Variants in CEP135 observed in about 807,000 individuals in gnomAD.
CEP135 encodes the protein centrosomal protein of 135 kDa.
A neutral mutation model predicts 157.3 loss-of-function variants in CEP135; 142 were observed. That is an observed-to-expected ratio of 0.90 (90% CI 0.79 to 1.04). The LOEUF is 1.04. CEP135 is among the 50% of genes least tolerant of loss of function. The pLI, the probability that CEP135 is intolerant of heterozygous loss-of-function variation, is 0.00. For synonymous variants in CEP135, 396 were observed against 439.8 expected (o/e 0.90, Z 1.25); for missense variants, 1,317 against 1,309.2 (o/e 1.01, Z -0.09).
chr4:56,019,095 G>C (rs1345965647), intron 22 of CEP135, among the ~76,000 whole-genome samples: 1 of 151,984 alleles, frequency 6.6e-6, no homozygotes, highest in East Asian at 1.9e-4. Context: ...CTCTTGATAA[G>C]GTACCATGAC....
At chr4:55,999,468 C>T (rs1386643491) in intron 16 of CEP135, 23 bp from the exon 17 acceptor site, 1 of 1,612,094 alleles carries the variant, frequency 6.2e-7, no homozygotes, top group Non-Finnish European at 8.5e-7. Flanking sequence ...CTTTGTCTAA[C>T]AAACATTTCT....
At chr4:56,009,033 A>G (rs1730464725) in intron 18 of CEP135, among the ~76,000 whole-genome samples, 1 of 152,194 alleles carries the variant, frequency 6.6e-6, no homozygotes, top group Non-Finnish European at 1.5e-5. Flanking sequence ...TGAGTAGCTG[A>G]GACTGCAGGC....
At chr4:55,963,277 A>T (rs1057491739) in intron 6 of CEP135, among the ~76,000 whole-genome samples, 1 of 151,970 alleles carries the variant, frequency 6.6e-6, no homozygotes, top group African/African-American at 2.4e-5. Flanking sequence ...TGTCAATTTC[A>T]TCCTTTAGTC....
At chr4:55,984,370 G>A (rs534630531) in intron 13 of CEP135, among the ~76,000 whole-genome samples, 5 of 152,272 alleles carry the variant, frequency 3.3e-5, no homozygotes, top group African/African-American at 1.2e-4. Flanking sequence ...CTTTTGATGG[G>A]AAATGAACCC....
intron 8 of CEP135, 38 bp from the exon 9 acceptor site, chr4:55,969,025 A>G (rs184137913): frequency 6.7e-6 from 10 of 1,484,730 alleles, no homozygotes; most frequent in Admixed American, 2.1e-5. Context: ...GTATTCTTAG[A>G]CTTTTAAGTA....
rs201141001 is a variant in CEP135, at chr4:55,985,272, C to T, written c.1780-9C>T. ...ACAAATGAACATTTTCTTTAACATT[C>T]TTTTTCAGCATATTGAAGAAGTGAG... On this transcript the variant is annotated splice_polypyrimidine_tract_variant and intron_variant, in intron 13 of 25. Coordinates refer to ENST00000257287, the MANE Select transcript of CEP135 (RefSeq NM_025009.5). 2 of 1,495,390 alleles carry T rather than the reference C, an allele frequency of 1.3e-6. No individual in the cohort carries two copies. The highest frequency in any genetic ancestry group is 1.9e-6 in the Non-Finnish European group (2 of 1,078,374). The allele number at this position is 1,495,390 out of a possible 1,614,324, so 92.6% of individuals were successfully genotyped here. A position where few individuals can be genotyped will look rare whatever the true frequency, so the allele number is the denominator to read the frequency against.
intron 15 of CEP135, among the ~76,000 whole-genome samples, chr4:55,994,664 G>A (rs954243189): frequency 6.6e-6 from 1 of 151,128 alleles, no homozygotes; most frequent in Non-Finnish European, 1.5e-5. Flanking sequence ...CAACAAACAG[G>A]CTTTTCTATA....
Position 56,015,766 on chromosome 4 carries a change from A to G in CEP135, c.2803-1882A>G, listed in dbSNP as rs558906508. ...GGAGAATTTTGTCCCAGTGTGGTCC[A>G]TATTCAGAGTCTCACCCATATGTGA... On this transcript the variant is annotated intron_variant, in intron 21 of 25. Coordinates refer to ENST00000257287, the MANE Select transcript of CEP135 (RefSeq NM_025009.5). Among the ~76,000 whole-genome samples, 23 of 152,322 alleles carry G rather than the reference A, an allele frequency of 1.5e-4. No individual in the cohort carries two copies. The East Asian group carries it at 2.5e-3, about 17-fold the overall frequency.
chr4:55,982,563 A>G (rs1447120194), intron 13 of CEP135, among the ~76,000 whole-genome samples: 1 of 152,022 alleles, frequency 6.6e-6, no homozygotes, highest in Non-Finnish European at 1.5e-5. Context: ...GGCCATTTTT[A>G]TATCCTTTTT....
At chr4:56,016,094 G>C (rs754669253) in intron 21 of CEP135, among the ~76,000 whole-genome samples, 1 of 152,160 alleles carries the variant, frequency 6.6e-6, no homozygotes, top group Admixed American at 6.5e-5. Context: ...GATACAGTAC[G>C]TACAGAGAAG....
intron 8 of CEP135, 133 bp downstream of exon 8, chr4:55,965,992 G>C: frequency 4.3e-6 from 3 of 696,290 alleles, no homozygotes; most frequent in Non-Finnish European, 7.1e-6. Context: ...TTTTGCTTTG[G>C]TAATTCAGGG....
chr4:55,981,155 A>G (rs1180149880), intron 12 of CEP135, 72 bp from the exon 13 acceptor site: 5 of 1,419,724 alleles, frequency 3.5e-6, no homozygotes, highest in Non-Finnish European at 4.7e-6. Flanking sequence ...AACTGGAAAC[A>G]TATCCAAAGT....
In CEP135 at chr4:55,956,020, T is replaced by C. The variant is rs183759893; in HGVS notation, c.473-1203T>C. 4.1e-4 allele frequency among the ~76,000 whole-genome samples: 62 copies of C among 152,158 alleles called. 2 individuals carry two copies. Among genetic ancestry groups the C allele is most frequent in the Admixed American group, 2.2e-3 (34 of 15,284 alleles). The stretch of plus-strand genomic sequence containing the variant: ...ACCCAGAGTCAGATGTGAGGGAAAT[T>C]GGTATTTAAGGGACAGGTGGAAGAA... On this transcript the variant is annotated intron_variant, in intron 4 of 25. Coordinates refer to ENST00000257287, the MANE Select transcript of CEP135 (RefSeq NM_025009.5).
At position 55,950,533 on chromosome 4, in the gene CEP135, C is replaced by G. The variant is rs138584162; in HGVS notation, c.-46+1474C>G. 5.1e-3 allele frequency among the ~76,000 whole-genome samples: 779 copies of G among 151,990 alleles called. 9 individuals carry two copies. Among genetic ancestry groups the G allele is most frequent in the African/African-American group, 0.018 (735 of 41,444 alleles). On this transcript the variant is annotated intron_variant, in intron 1 of 25. Coordinates refer to ENST00000257287, the MANE Select transcript of CEP135 (RefSeq NM_025009.5). ...AGCATATTGGCTCACACCTGTAAAC[C>G]TAGCACTTTGGGAGGTAGAGGTGGG...
At chr4:55,957,402 A>G (rs2109645054) in intron 5 of CEP135, 38 bp downstream of exon 5, 2 of 1,590,744 alleles carry the variant, frequency 1.3e-6, no homozygotes, top group East Asian at 2.2e-5. Flanking sequence ...GAGTTAATTG[A>G]GCACTCAATT....
In CEP135 at chr4:55,967,601, T is replaced by G. The variant is rs527433006; in HGVS notation, c.1045-1462T>G. ...AGCACTGAATATGCAGATTAAGGAT[T>G]CAGATGCTGATTCCTTAGAACTATG... On this transcript the variant is annotated intron_variant, in intron 8 of 25. Coordinates refer to ENST00000257287, the MANE Select transcript of CEP135 (RefSeq NM_025009.5). 2.0e-3 allele frequency among the ~76,000 whole-genome samples: 304 copies of G among 152,312 alleles called. 1 individual carries two copies. Among genetic ancestry groups the G allele is most frequent in the African/African-American group, 7.1e-3 (295 of 41,570 alleles).
chr4:55,999,487 G>A lies in CEP135; in HGVS notation c.2126-4G>A, dbSNP rs754361687. 2 of 1,612,072 alleles carry A rather than the reference G, an allele frequency of 1.2e-6. No homozygotes were observed. The highest frequency in any genetic ancestry group is 4.5e-5 in the East Asian group (2 of 44,864). ...GTCTAACAAACATTTCTTTTCATTT[G>A]TAGATGAACTAAACCTTAAGATGAC... is the stretch of plus-strand genomic sequence containing the variant. On this transcript the variant is annotated splice_polypyrimidine_tract_variant and splice_region_variant and intron_variant, in intron 16 of 25. Coordinates refer to ENST00000257287, the MANE Select transcript of CEP135 (RefSeq NM_025009.5).
chr4:56,017,356 ATCCC>A (rs1730811171), intron 21 of CEP135, among the ~76,000 whole-genome samples: 1 of 152,094 alleles, frequency 6.6e-6, no homozygotes, highest in Admixed American at 6.5e-5. Context: ...AACCTCAAAA[ATCCC>A]TCATATTCAC....
At chr4:56,005,030 A>G (rs549771411) in intron 17 of CEP135, among the ~76,000 whole-genome samples, 3 of 145,356 alleles carry the variant, frequency 2.1e-5, no homozygotes, top group African/African-American at 5.1e-5. Flanking sequence ...CTCTGGTAGT[A>G]TGTTTTAATT....
Sources: gnomAD v4.1 joint callset for allele counts (sites outside exome capture counted in the v4.1 genomes callset) on GRCh38, gnomAD v4.1.1 for gene constraint, MANE v1.5 for transcripts, NCBI Gene and HGNC (gene_info 2026-07-23, HGNC 2026-07-21) for gene names.